The following CLCN5 variants were observed in gnomAD, a reference collection of about 807,000 sequenced individuals.
CLCN5 encodes Cl-/H+ antiporter 5, also known as H(+)/Cl(-) exchange transporter 5.
A neutral mutation model predicts 54.0 loss-of-function variants in CLCN5; 17 were observed. The ratio of observed to expected loss-of-function variants is 0.31; its 90% CI spans 0.22 to 0.47. The LOEUF is 0.47. CLCN5 is among the 20% of genes least tolerant of loss of function. The pLI is 1.00. For synonymous variants in CLCN5, 222 were observed against 233.0 expected (o/e 0.95, Z 0.43); for missense variants, 448 against 646.7 (o/e 0.69, Z 3.33).
Position 50,019,377 on chromosome X carries a change from GT to G in CLCN5, c.17-22938del, listed in dbSNP as rs1216707819. Among the ~76,000 whole-genome samples, 17 of 106,253 alleles carry G rather than the reference GT, an allele frequency of 1.6e-4. No homozygotes were observed. The East Asian group carries it at 4.8e-3, about 30-fold the overall frequency. 92.3% of individuals were successfully genotyped at this position (106,253 alleles called of 115,157 possible). The stretch of plus-strand genomic sequence containing the variant: ...ACAGTGACATTTTAATACATACAAT[GT>G]ATCACAATCAGATCACGGTATTATT... On this transcript the variant is annotated intron_variant, in intron 3 of 14. Coordinates refer to ENST00000376091, the MANE Select transcript of CLCN5 (RefSeq NM_001127898.4).
At chrX:50,036,067 A>G (rs1557186496) in intron 3 of CLCN5, among the ~76,000 whole-genome samples, 1 of 111,996 alleles carries the variant, frequency 8.9e-6, no homozygotes, top group Non-Finnish European at 1.9e-5. Context: ...CTCTAGACTG[A>G]CATGTCGTTG....
At chrX:49,950,263 C>T (rs1248413219) in intron 3 of CLCN5, among the ~76,000 whole-genome samples, 1 of 111,838 alleles carries the variant, frequency 8.9e-6, no homozygotes, top group Non-Finnish European at 1.9e-5. Context: ...CCCAGCTGCC[C>T]TGCATGGTTT....
intron 7 of CLCN5, among the ~76,000 whole-genome samples, chrX:50,076,246 A>T (rs1164328109): frequency 8.9e-6 from 1 of 112,092 alleles, no homozygotes; most frequent in African/African-American, 3.2e-5. Flanking sequence ...GTACTAGTAC[A>T]TAGTGTGACT....
chrX:50,087,444 A>G (rs1335389277), intron 11 of CLCN5, among the ~76,000 whole-genome samples: 3 of 112,123 alleles, frequency 2.7e-5, no homozygotes, highest in Non-Finnish European at 5.6e-5. Flanking sequence ...TATTTAAGCT[A>G]TCAAAAGTGG....
chrX:50,069,687 CTCA>C (rs1214078289), intron 4 of CLCN5, 189 bp from the exon 5 acceptor site: 6 of 1,018,967 alleles, frequency 5.9e-6, no homozygotes. Flanking sequence ...CCTTTAGCCA[CTCA>C]TCATTTTGTG....
chrX:50,065,612 C>T (rs1425904436), intron 4 of CLCN5, among the ~76,000 whole-genome samples: 19 of 80,898 alleles, frequency 2.3e-4, no homozygotes, highest in Non-Finnish European at 4.5e-4. Flanking sequence ...GGCGATTCCT[C>T]AGGGATCTAG....
intron 3 of CLCN5, among the ~76,000 whole-genome samples, chrX:50,033,371 A>G: frequency 9.0e-6 from 1 of 111,242 alleles, no homozygotes; most frequent in Non-Finnish European, 1.9e-5. Context: ...TTATACACCA[A>G]TAACAGACAA....
At chrX:49,923,844 T>C (rs1025190356) in intron 2 of CLCN5, 7 of 112,442 alleles carry the variant, frequency 6.2e-5, no homozygotes, top group African/African-American at 2.3e-4. Context: ...AACCCTTTTG[T>C]CATTAAAGAA....
intron 4 of CLCN5, chrX:50,069,583 T>C: frequency 1.2e-6 from 1 of 832,755 alleles, no homozygotes; most frequent in Non-Finnish European, 1.4e-6. Context: ...CAACCTCCTT[T>C]TTGTCTTTTG....
chrX:49,934,752 C>T (rs782602057), intron 3 of CLCN5, among the ~76,000 whole-genome samples: 1 of 112,121 alleles, frequency 8.9e-6, no homozygotes, highest in Non-Finnish European at 1.9e-5. Context: ...AGATACTAGA[C>T]ACTGAAGTTT....
intron 3 of CLCN5, among the ~76,000 whole-genome samples, chrX:49,928,445 T>G (rs1378459152): frequency 2.7e-5 from 3 of 112,195 alleles, no homozygotes; most frequent in Non-Finnish European, 5.6e-5. Flanking sequence ...TTGTGTAGCA[T>G]ATAATAAGTG....
intron 4 of CLCN5, among the ~76,000 whole-genome samples, chrX:50,057,857 A>G (rs1254832089): frequency 3.6e-5 from 4 of 110,563 alleles, no homozygotes; most frequent in Non-Finnish European, 3.8e-5. Flanking sequence ...GTAATGTACT[A>G]TCAGACAAAT....
In CLCN5 at chrX:49,925,276, G is replaced by A. The variant is rs782781111; in HGVS notation, c.-23G>A. The A allele has an allele frequency of 8.2e-5, 99 of 1,207,544 alleles. No individual in the cohort carries two copies. Among genetic ancestry groups the A allele is most frequent in the Non-Finnish European group, 1.1e-4 (94 of 892,704 alleles). Reference sequence around the variant, plus strand: ...CTGGGAAACTCAGCCTGTGACCCCAGCGTGGGTGAAGATAGGATCAAGATG... The same window carrying A: ...CTGGGAAACTCAGCCTGTGACCCCAACGTGGGTGAAGATAGGATCAAGATG... On this transcript the variant is annotated 5_prime_UTR_variant, in exon 3 of 15. Coordinates refer to ENST00000376091, the MANE Select transcript of CLCN5 (RefSeq NM_001127898.4).
intron 3 of CLCN5, among the ~76,000 whole-genome samples, chrX:49,926,941 G>C (rs147881099): frequency 4.0e-3 from 445 of 111,085 alleles, no homozygotes; most frequent in Non-Finnish European, 6.3e-3. Flanking sequence ...GTGACTGGAT[G>C]TGGCAAGAAA....
chrX:49,951,627 A>G (rs932754722), intron 3 of CLCN5, among the ~76,000 whole-genome samples: 2 of 112,196 alleles, frequency 1.8e-5, no homozygotes, highest in South Asian at 3.8e-4. Flanking sequence ...TCTTAAGAGT[A>G]CAAGAGGTTA....
At chrX:50,033,789 A>G (rs782303501) in intron 3 of CLCN5, among the ~76,000 whole-genome samples, 78 of 112,136 alleles carry the variant, frequency 7.0e-4, no homozygotes, top group African/African-American at 2.5e-3. Flanking sequence ...AATACAATAT[A>G]TATCTATAGA....
At chrX:49,963,373 G>A (rs1432529870) in intron 3 of CLCN5, among the ~76,000 whole-genome samples, 5 of 111,356 alleles carry the variant, frequency 4.5e-5, no homozygotes, top group Admixed American at 9.5e-5. Flanking sequence ...GCAGTATCCA[G>A]GACAGGGTGG....
At chrX:49,942,540 G>C (rs1024782026) in intron 3 of CLCN5, among the ~76,000 whole-genome samples, 16 of 107,298 alleles carry the variant, frequency 1.5e-4, no homozygotes, top group Middle Eastern at 4.7e-3. Flanking sequence ...CCTCCTAATG[G>C]TATCCCTCCC....
At chrX:49,928,698 G>A (rs1925477119) in intron 3 of CLCN5, among the ~76,000 whole-genome samples, 1 of 111,655 alleles carries the variant, frequency 9.0e-6, no homozygotes, top group Admixed American at 9.5e-5. Flanking sequence ...GGCCGAGGCG[G>A]GCGGATCACG....
Sources: gnomAD v4.1 joint callset for allele counts (sites outside exome capture counted in the v4.1 genomes callset) on GRCh38, gnomAD v4.1.1 for gene constraint, MANE v1.5 for transcripts, NCBI Gene and HGNC (gene_info 2026-07-23, HGNC 2026-07-21) for gene names.